Variants in EIF3A observed in about 807,000 individuals in gnomAD.
EIF3A encodes the protein EIF3, p180 subunit.
In EIF3A, 21 loss-of-function variants were observed where a neutral mutation model predicts 186.6. The observed-to-expected ratio is 0.11, with a 90% confidence interval of 0.08 to 0.16. The LOEUF (loss-of-function observed/expected upper bound fraction) is 0.16, where lower values mean the gene tolerates loss of function less well. Among genes scored for constraint, EIF3A ranks in the 10% least tolerant of loss-of-function variants. EIF3A has a pLI of 1.00. For missense variants in EIF3A, 1,306 were observed against 1,796.3 expected (o/e 0.73, Z 4.93); for synonymous variants, 563 against 584.3 (o/e 0.96, Z 0.52).
intron 5 of EIF3A, 82 bp from the exon 6 acceptor site, chr10:119,069,736 CACAGA>C: frequency 1.4e-6 from 1 of 732,632 alleles, no homozygotes; most frequent in East Asian, 2.5e-5. Flanking sequence ...AAACCTACAA[CACAGA>C]AAACATAAAA....
rs201912410 is a variant in EIF3A at position 119,037,072 on chromosome 10, C to T, written c.3919+47G>A. The T allele has an allele frequency of 4.2e-4, 271 of 639,984 alleles. 6 individuals carry two copies. In the East Asian group the frequency reaches 0.011, roughly 26 times the overall value. The allele number at this position is 639,984 out of a possible 1,614,324, so 39.6% of individuals were successfully genotyped here. On this transcript the variant is annotated intron_variant, in intron 21 of 21. Coordinates refer to ENST00000369144, the MANE Select transcript of EIF3A (RefSeq NM_003750.4). The stretch of plus-strand genomic sequence containing the variant: ...TAAATAACCCAAATCCCCCCCCCCC[C>T]AGAAACGACAGTTCTCCAATACTTC...
chr10:119,060,910 A>T, intron 8 of EIF3A, 66 bp from the exon 9 acceptor site: 1 of 1,114,838 alleles, frequency 9.0e-7, no homozygotes, highest in Non-Finnish European at 1.3e-6. Flanking sequence ...AACATCTAAA[A>T]CTCTTTTTTT....
intron 17 of EIF3A, among the ~76,000 whole-genome samples, chr10:119,047,786 T>C (rs2119818373): frequency 6.6e-6 from 1 of 152,250 alleles, no homozygotes; most frequent in African/African-American, 2.4e-5. Flanking sequence ...GAACTACAAA[T>C]TAGCAGTAAG....
intron 14 of EIF3A, 148 bp downstream of exon 14, chr10:119,056,590 CCT>C (rs1274821006): frequency 9.0e-6 from 5 of 553,176 alleles, no homozygotes; most frequent in African/African-American, 3.8e-5. Context: ...TGAAATTTTC[CCT>C]CTTTCTACCA....
intron 12 of EIF3A, 152 bp from the exon 13 acceptor site, chr10:119,057,192 A>G: frequency 1.7e-6 from 1 of 593,212 alleles, no homozygotes; most frequent in Non-Finnish European, 2.9e-6. Context: ...CAATAGCCTT[A>G]TTTCCATTTG....
intron 17 of EIF3A, among the ~76,000 whole-genome samples, chr10:119,048,942 T>G (rs759471307): frequency 1.3e-5 from 2 of 152,140 alleles, no homozygotes; most frequent in Non-Finnish European, 2.9e-5. Context: ...CTGGGAATTA[T>G]AGGCATGAGC....
intron 12 of EIF3A, among the ~76,000 whole-genome samples, chr10:119,057,669 G>T (rs958661537): frequency 6.6e-6 from 1 of 152,250 alleles, no homozygotes; most frequent in African/African-American, 2.4e-5. Context: ...CAGCTAGTTG[G>T]GAGGCTGAGG....
intron 19 of EIF3A, among the ~76,000 whole-genome samples, chr10:119,040,878 C>T (rs552107832): frequency 1.5e-3 from 221 of 152,132 alleles, no homozygotes; most frequent in Admixed American, 2.7e-3. Flanking sequence ...TAGTGGTAGG[C>T]ACCTGTTGTC....
Position 119,058,042 on chromosome 10 carries a change from T to C in EIF3A, c.1891A>G (p.Ile631Val). Residue 631 changes from isoleucine (I) to valine (V), a missense_variant, in exon 12 of 22, where the codon ATC (isoleucine) becomes GTC (valine). Around this residue, in one of 8 missense-constraint regions of EIF3A, gnomAD observed 94 missense variants for 204.9 expected, o/e 0.46. Coordinates refer to ENST00000369144, the MANE Select transcript of EIF3A (RefSeq NM_003750.4). ...KERILQEHEQ[I>V]KKKTVRERLE... ...CGCTCTCGGACAGTTTTCTTTTTGA[T>C]TTGTTCATGTTCCTGTAAGATACGC... 1 of 1,614,248 alleles carries C rather than the reference T, an allele frequency of 6.2e-7. No individual in the cohort carries two copies. Among genetic ancestry groups the C allele is most frequent in the Non-Finnish European group, 8.5e-7 (1 of 1,180,042 alleles).
chr10:119,036,164 C>T lies in EIF3A; in HGVS notation c.4024G>A (p.Asp1342Asn). 1 of 1,613,592 alleles carries T rather than the reference C, an allele frequency of 6.2e-7. No homozygotes were observed. The highest frequency in any genetic ancestry group is 8.5e-7 in the Non-Finnish European group (1 of 1,179,864). The change falls in exon 22 of 22, where the codon GAC (aspartate) becomes AAC (asparagine). Residue 1342 changes from aspartate to asparagine, a missense_variant. Asp to Asn is a conservative substitution (Grantham distance 23). Transcript: ENST00000369144. Reference protein sequence around the residue: ...PPALSRDRERDRDREREGEKE... With the variant: ...PPALSRDRERNRDREREGEKE... ...TCACCTTCTCTTTCTCGGTCTCGGTCTCTTTCTCGGTCTCTTGAAAGAGCT... is the reference window on the plus strand; with the variant it reads ...TCACCTTCTCTTTCTCGGTCTCGGTTTCTTTCTCGGTCTCTTGAAAGAGCT...
intron 9 of EIF3A, chr10:119,060,110 AAAAG>A (rs1843860118): frequency 2.0e-6 from 1 of 509,918 alleles, no homozygotes; most frequent in African/African-American, 2.0e-5. Flanking sequence ...CTACTCACAT[AAAAG>A]AAAGCAGGTC....
chr10:119,062,204 GA>G lies in EIF3A; in HGVS notation c.1123-877del, dbSNP rs879715758. Among the ~76,000 whole-genome samples the G allele has an allele frequency of 1.4e-4, 21 of 146,042 alleles. No homozygotes were observed. In the East Asian group the frequency reaches 1.6e-3, roughly 11 times the overall value. The stretch of plus-strand genomic sequence containing the variant: ...CCTAACTTAGAATCTGCCTTTAAGA[GA>G]AAAAAAAAAATTCCCAGCTCTAATT... On this transcript the variant is annotated intron_variant, in intron 7 of 21. Coordinates refer to ENST00000369144, the MANE Select transcript of EIF3A (RefSeq NM_003750.4).
At chr10:119,061,823 T>C (rs921127320) in intron 7 of EIF3A, among the ~76,000 whole-genome samples, 5 of 152,144 alleles carry the variant, frequency 3.3e-5, no homozygotes, top group African/African-American at 7.2e-5. Flanking sequence ...CTCACAAACA[T>C]AGCGGTGAGA....
chr10:119,037,665 CT>C (rs1432504116), intron 20 of EIF3A, among the ~76,000 whole-genome samples: 1 of 152,204 alleles, frequency 6.6e-6, no homozygotes, highest in Non-Finnish European at 1.5e-5. Flanking sequence ...GCATCGAACA[CT>C]GCTGGTCTAC....
At chr10:119,036,751 A>C (rs530733391) in intron 21 of EIF3A, among the ~76,000 whole-genome samples, 2 of 152,376 alleles carry the variant, frequency 1.3e-5, no homozygotes, top group South Asian at 4.1e-4. Context: ...GATTTTAAAA[A>C]TGAAAAATAC....
chr10:119,073,693 C>A, intron 2 of EIF3A, 54 bp downstream of exon 2: 1 of 1,560,116 alleles, frequency 6.4e-7, no homozygotes. Context: ...GTAAGTTCTT[C>A]GGCAGATTAC....
rs769709647 is a variant in EIF3A, at chr10:119,060,166, C to T, written c.1327-448G>A. 13 of 497,776 alleles carry T rather than the reference C, an allele frequency of 2.6e-5. No homozygotes were observed. In the East Asian group the frequency reaches 2.8e-4, roughly 11 times the overall value. The allele number at this position is 497,776 out of a possible 1,614,324, so 30.8% of individuals were successfully genotyped here. A position where few individuals can be genotyped will look rare whatever the true frequency, so the allele number is the denominator to read the frequency against. On this transcript the variant is annotated intron_variant, in intron 9 of 21. Coordinates refer to ENST00000369144, the MANE Select transcript of EIF3A (RefSeq NM_003750.4). ...ATACTGAGATGAAAATATAATAAAA[C>T]GCCCTCCTTCCCAAATGCAACAAAT...
intron 6 of EIF3A, among the ~76,000 whole-genome samples, chr10:119,068,761 G>A (rs1844022363): frequency 1.3e-5 from 2 of 152,062 alleles, no homozygotes; most frequent in South Asian, 2.1e-4. Flanking sequence ...GGATCATGAG[G>A]TGAGGAGTGG....
At chr10:119,067,709 T>C (rs1001155306) in intron 6 of EIF3A, among the ~76,000 whole-genome samples, 12 of 152,180 alleles carry the variant, frequency 7.9e-5, no homozygotes, top group Non-Finnish European at 1.6e-4. Flanking sequence ...TAAAATAGTT[T>C]TACATAAGAA....
Sources: gnomAD v4.1 joint callset for allele counts (sites outside exome capture counted in the v4.1 genomes callset) on GRCh38, gnomAD v4.1.1 for gene constraint, gnomAD v4.1.1 regional missense constraint, MANE v1.5 for transcripts, NCBI Gene and HGNC (gene_info 2026-07-23, HGNC 2026-07-21) for gene names.